Variants in SYN3 observed in about 807,000 individuals in gnomAD.
SYN3 encodes synapsin III.
Under a neutral mutation model 65.8 loss-of-function variants are expected in SYN3, and 35 were observed. That is an observed-to-expected ratio of 0.53 (90% CI 0.41 to 0.70). SYN3 has a LOEUF of 0.70. SYN3 is among the 30% of genes least tolerant of loss of function. The probability of loss-of-function intolerance (pLI) is 0.00; values close to 1 mark genes in which losing one functional copy is unlikely to be tolerated. For missense variants in SYN3, 680 were observed against 749.0 expected (o/e 0.91, Z 1.08); for synonymous variants, 270 against 292.9 (o/e 0.92, Z 0.80).
At chr22:32,991,348 A>AATAATAATAATAATG (rs1491339558) in intron 2 of SYN3, among the ~76,000 whole-genome samples, 1 of 147,472 alleles carries the variant, frequency 6.8e-6, no homozygotes, top group Non-Finnish European at 1.5e-5. Flanking sequence ...AAATAATAAT[A>AATAATAATAATAATG]ATAATAATAA....
chr22:32,793,385 C>T (rs1344159981), intron 6 of SYN3, among the ~76,000 whole-genome samples: 2 of 152,206 alleles, frequency 1.3e-5, no homozygotes, highest in African/African-American at 4.8e-5. Flanking sequence ...CTACTTCTGA[C>T]CTTGTGTCTT....
intron 6 of SYN3, among the ~76,000 whole-genome samples, chr22:32,695,271 C>T (rs930414781): frequency 7.9e-5 from 12 of 152,280 alleles, no homozygotes; most frequent in Non-Finnish European, 7.4e-5. Context: ...GTTACTGACT[C>T]TATTATCAAC....
intron 2 of SYN3, among the ~76,000 whole-genome samples, chr22:32,999,127 G>A (rs2052983435): frequency 6.6e-6 from 1 of 152,186 alleles, no homozygotes; most frequent in African/African-American, 2.4e-5. Flanking sequence ...TACAGATACA[G>A]TGTGGTATGT....
chr22:32,609,971 G>C (rs1368978374), intron 6 of SYN3, among the ~76,000 whole-genome samples: 2 of 151,898 alleles, frequency 1.3e-5, no homozygotes, highest in Admixed American at 1.3e-4. Flanking sequence ...AAATGTGAAG[G>C]AAACTAGTCA....
chr22:32,534,788 C>T (rs1021703412), intron 9 of SYN3, among the ~76,000 whole-genome samples: 1 of 152,150 alleles, frequency 6.6e-6, no homozygotes, highest in African/African-American at 2.4e-5. Flanking sequence ...GGGACTGTGA[C>T]TGGAATGCTC....
intron 6 of SYN3, among the ~76,000 whole-genome samples, chr22:32,836,172 A>C (rs130300): frequency 2.0e-5 from 3 of 151,814 alleles, no homozygotes; most frequent in South Asian, 2.1e-4. Flanking sequence ...ATTTTGGGGA[A>C]TGGTTTTAAG....
chr22:33,010,574 G>A (rs954692973), intron 1 of SYN3, among the ~76,000 whole-genome samples: 3 of 152,150 alleles, frequency 2.0e-5, no homozygotes, highest in African/African-American at 7.2e-5. Context: ...TGGCTTTCCA[G>A]AAAGTTTTAA....
At chr22:32,775,421 G>C (rs1191031315) in intron 6 of SYN3, among the ~76,000 whole-genome samples, 1 of 152,186 alleles carries the variant, frequency 6.6e-6, no homozygotes, top group Admixed American at 6.5e-5. Context: ...GGAATGCCAA[G>C]AGAGTGGTGA....
chr22:32,705,657 T>G (rs2060871267), intron 6 of SYN3, among the ~76,000 whole-genome samples: 1 of 152,258 alleles, frequency 6.6e-6, no homozygotes, highest in Admixed American at 6.5e-5. Flanking sequence ...GTATGGCCAC[T>G]TCAACAATAT....
At chr22:32,583,970 A>G (rs1267688028) in intron 7 of SYN3, 1 of 152,226 alleles carries the variant, frequency 6.6e-6, no homozygotes, top group African/African-American at 2.4e-5. Context: ...AGCTAATGCC[A>G]ACCAGTTTGA....
intron 4 of SYN3, among the ~76,000 whole-genome samples, chr22:32,905,626 G>A (rs1274993824): frequency 6.6e-6 from 1 of 152,246 alleles, no homozygotes; most frequent in East Asian, 1.9e-4. Context: ...AAGAAGTGGA[G>A]CTTAGGAGGC....
At chr22:32,752,312 C>G (rs992882162) in intron 6 of SYN3, among the ~76,000 whole-genome samples, 2 of 152,104 alleles carry the variant, frequency 1.3e-5, no homozygotes, top group Admixed American at 6.5e-5. Flanking sequence ...TGGTCACTGA[C>G]TCAGTTTAGA....
chr22:32,530,775 C>T (rs973072430), intron 10 of SYN3, among the ~76,000 whole-genome samples: 127 of 151,880 alleles, frequency 8.4e-4, no homozygotes, highest in African/African-American at 2.8e-3. Context: ...GAGGCCGGGG[C>T]GGGCGGATCA....
intron 12 of SYN3, among the ~76,000 whole-genome samples, chr22:32,521,673 C>A (rs933172842): frequency 6.6e-6 from 1 of 152,020 alleles, no homozygotes; most frequent in African/African-American, 2.4e-5. Flanking sequence ...GTCTCGAACT[C>A]CTGACCTTGT....
intron 6 of SYN3, among the ~76,000 whole-genome samples, chr22:32,627,021 C>G (rs1276316413): frequency 1.3e-5 from 2 of 152,104 alleles, no homozygotes; most frequent in Non-Finnish European, 2.9e-5. Context: ...CTTATGCCCC[C>G]ACACAGAGTC....
chr22:32,549,133 C>T (rs1236708991), intron 7 of SYN3, among the ~76,000 whole-genome samples: 1 of 152,168 alleles, frequency 6.6e-6, no homozygotes, highest in Non-Finnish European at 1.5e-5. Flanking sequence ...GGGACAGCTG[C>T]ATCCATGGTG....
chr22:33,000,018 G>A (rs1413849496), intron 2 of SYN3, among the ~76,000 whole-genome samples: 2 of 152,156 alleles, frequency 1.3e-5, no homozygotes, highest in Non-Finnish European at 2.9e-5. Context: ...GGGCTGAAGA[G>A]AACTGAGTTT....
chr22:32,677,989 C>G (rs2060469863), intron 6 of SYN3, among the ~76,000 whole-genome samples: 1 of 152,098 alleles, frequency 6.6e-6, no homozygotes, highest in African/African-American at 2.4e-5. Context: ...TAGGGAACTA[C>G]AAAGAGCTCA....
rs1346398226 is a variant in SYN3, at chr22:32,564,764, C to G, written c.775-23051G>C. ...TCCTGGGCTGCACCCAGTGCTCCCG[C>G]ATTGTACCCAAACAGTGCTCCTGGG... On this transcript the variant is annotated intron_variant, in intron 7 of 13. Transcript: ENST00000358763. 1.6e-4 allele frequency among the ~76,000 whole-genome samples: 23 copies of G among 146,220 alleles called. No homozygotes were observed. The South Asian group carries it at 4.6e-3, about 30-fold the overall frequency.
Sources: gnomAD v4.1 joint callset for allele counts (sites outside exome capture counted in the v4.1 genomes callset) on GRCh38, gnomAD v4.1.1 for gene constraint, MANE v1.5 for transcripts, NCBI Gene and HGNC (gene_info 2026-07-23, HGNC 2026-07-21) for gene names.